POLN: variants seen among roughly 807,000 people sequenced by gnomAD.
POLN encodes DNA polymerase nu, also known as DNA polymerase N.
A neutral mutation model predicts 113.5 loss-of-function variants in POLN; 108 were observed. The observed-to-expected ratio is 0.95, with a 90% CI of 0.81 to 1.12. The LOEUF is 1.12. Ranked by LOEUF, POLN falls within the 50% of genes most tolerant of loss-of-function variation. The pLI is 0.00. For missense variants in POLN, 1,097 were observed against 1,077.1 expected, an observed-to-expected ratio of 1.02 and a Z score of -0.26; for synonymous variants, 386 against 391.5, an observed-to-expected ratio of 0.99 and a Z score of 0.17.
At chr4:2,174,329 A>C (rs1732942408) in intron 10 of POLN, among the ~76,000 whole-genome samples, 1 of 152,256 alleles carries the variant, frequency 6.6e-6, no homozygotes, top group African/African-American at 2.4e-5. Flanking sequence ...TCAAAGGCAA[A>C]GGCAGAAGAG....
intron 13 of POLN, among the ~76,000 whole-genome samples, chr4:2,167,530 C>T (rs1406710073): frequency 6.6e-6 from 1 of 152,162 alleles, no homozygotes; most frequent in African/African-American, 2.4e-5. Context: ...CCACGAGGAG[C>T]ATCTGAGAAC....
chr4:2,156,366 A>G (rs1358334168), intron 16 of POLN: 1 of 416,106 alleles, frequency 2.4e-6, no homozygotes, highest in East Asian at 7.2e-5. Context: ...AGTTCAAGGG[A>G]ATTTAGAGCT....
At chr4:2,085,031 C>T (rs372591220) in intron 21 of POLN, among the ~76,000 whole-genome samples, 3 of 152,194 alleles carry the variant, frequency 2.0e-5, no homozygotes, top group Non-Finnish European at 4.4e-5. Context: ...TCAGCTTAGC[C>T]ACATCCCAGT....
At chr4:2,238,830 T>G (rs1250543972) in intron 2 of POLN, 2 of 1,613,050 alleles carry the variant, frequency 1.2e-6, no homozygotes, top group African/African-American at 1.3e-5. Context: ...ATTAATTGAT[T>G]TAAAACTAAC....
chr4:2,204,689 TAACAAA>T (rs1351869901), intron 5 of POLN, among the ~76,000 whole-genome samples: 1 of 152,090 alleles, frequency 6.6e-6, no homozygotes, highest in Non-Finnish European at 1.5e-5. Flanking sequence ...CAAAAGTCCT[TAACAAA>T]ATACTAGCTA....
intron 16 of POLN, chr4:2,139,967 G>A (rs1731955902): frequency 6.6e-6 from 1 of 152,178 alleles, no homozygotes; most frequent in Non-Finnish European, 1.5e-5. Context: ...AACAACTTAC[G>A]AGTGGCTGGG....
At chr4:2,212,149 C>A (rs1332974441) in intron 4 of POLN, among the ~76,000 whole-genome samples, 1 of 152,178 alleles carries the variant, frequency 6.6e-6, no homozygotes, top group African/African-American at 2.4e-5. Context: ...ACTCCAAAGT[C>A]CATTCTCTTA....
At chr4:2,080,752 T>G in intron 23 of POLN, 1 of 1,445,886 alleles carries the variant, frequency 6.9e-7, no homozygotes, top group Non-Finnish European at 9.1e-7. Flanking sequence ...AGGCCTCATC[T>G]GCACCCCACG....
At chr4:2,218,813 C>T (rs1734183689) in intron 3 of POLN, among the ~76,000 whole-genome samples, 1 of 152,182 alleles carries the variant, frequency 6.6e-6, no homozygotes, top group Non-Finnish European at 1.5e-5. Context: ...CACCAGCTGT[C>T]ATTAGGGCTA....
At chr4:2,189,483 C>G (rs1733380560) in intron 7 of POLN, among the ~76,000 whole-genome samples, 1 of 150,130 alleles carries the variant, frequency 6.7e-6, no homozygotes, top group Admixed American at 6.7e-5. Flanking sequence ...ACCAAAAATA[C>G]AAAAAATTAG....
chr4:2,194,004 T>C (rs1560089354), intron 6 of POLN, among the ~76,000 whole-genome samples: 2 of 152,202 alleles, frequency 1.3e-5, no homozygotes, highest in South Asian at 2.1e-4. Context: ...ATTGTTAAAA[T>C]TGACTGAATA....
At position 2,193,331 on chromosome 4, in the gene POLN, G is replaced by A; in HGVS notation, c.909-15C>T. The A allele has an allele frequency of 6.6e-7, 1 of 1,514,772 alleles. No homozygotes were observed. The allele number at this position is 1,514,772 out of a possible 1,614,324, so 93.8% of individuals were successfully genotyped here. On this transcript the variant is annotated splice_polypyrimidine_tract_variant and intron_variant, in intron 6 of 25. Transcript: ENST00000511885. ...ATAGCACGTTCCTAGAAGATGAAAA[G>A]AAATTCACTGATTTAAACATTAATT...
intron 19 of POLN, among the ~76,000 whole-genome samples, chr4:2,112,457 A>C (rs1343950479): frequency 2.0e-5 from 3 of 152,096 alleles, no homozygotes; most frequent in East Asian, 3.9e-4. Flanking sequence ...CAACCTACAG[A>C]ATGGGAGAAA....
chr4:2,178,861 C>T (rs1378898095), intron 8 of POLN, among the ~76,000 whole-genome samples: 1 of 152,136 alleles, frequency 6.6e-6, no homozygotes, highest in Non-Finnish European at 1.5e-5. Context: ...ATCGGCCCAC[C>T]TTAGCCTCCC....
At chr4:2,094,857 C>T (rs1045878682) in intron 20 of POLN, among the ~76,000 whole-genome samples, 3 of 152,088 alleles carry the variant, frequency 2.0e-5, no homozygotes, top group Admixed American at 6.5e-5. Context: ...GTGCTTGCCC[C>T]GTTATTCTTC....
chr4:2,173,882 A>G, intron 11 of POLN, 73 bp downstream of exon 11: 4 of 1,385,988 alleles, frequency 2.9e-6, no homozygotes, highest in Non-Finnish European at 4.1e-6. Context: ...TCTACTCTAG[A>G]CCTGCCACTG....
intron 8 of POLN, among the ~76,000 whole-genome samples, chr4:2,178,552 G>A (rs1733050462): frequency 6.6e-6 from 1 of 152,106 alleles, no homozygotes; most frequent in Non-Finnish European, 1.5e-5. Context: ...TTTTCCAGAT[G>A]GTGCTTCCTG....
In POLN at chr4:2,127,171, C is replaced by T. The variant is rs1199856002; in HGVS notation, c.1982+942G>A. Among the ~76,000 whole-genome samples the T allele has an allele frequency of 6.8e-6, 1 of 147,548 alleles. No individual in the cohort carries two copies. The highest frequency in any genetic ancestry group is 2.0e-4 in the East Asian group (1 of 4,952). On this transcript the variant is annotated intron_variant, in intron 19 of 25. Coordinates refer to ENST00000511885, the MANE Select transcript of POLN (RefSeq NM_181808.4). This position sits in a 1 kb window ranked among gnomAD's most constrained non-coding sequence, Gnocchi z 4.7. ...GGGCCATAGGGAGGGGTGAGGGGGCCGTAGGGGGAGCAGAAGAGGCCCAAG... is the reference window on the plus strand; with the variant it reads ...GGGCCATAGGGAGGGGTGAGGGGGCTGTAGGGGGAGCAGAAGAGGCCCAAG...
At chr4:2,072,451 G>A (rs1730171955) in intron 25 of POLN, 152 bp from the exon 26 acceptor site, 5 of 661,290 alleles carry the variant, frequency 7.6e-6, no homozygotes, top group Admixed American at 3.0e-5. Flanking sequence ...GTGCATACAC[G>A]TGCACACTCA....
Sources: gnomAD v4.1 joint callset for allele counts (sites outside exome capture counted in the v4.1 genomes callset) on GRCh38, gnomAD v4.1.1 for gene constraint, Gnocchi (gnomAD v3.1) non-coding constraint, MANE v1.5 for transcripts, NCBI Gene and HGNC (gene_info 2026-07-23, HGNC 2026-07-21) for gene names.